The following ANO6 variants were observed in gnomAD, a reference collection of about 807,000 sequenced individuals.
The protein encoded by ANO6 is anoctamin-6.
In ANO6, 106 loss-of-function variants were observed where a neutral mutation model predicts 117.5. The observed-to-expected ratio is 0.90, with a 90% CI of 0.77 to 1.06. The LOEUF is 1.06. ANO6 is among the 50% of genes least tolerant of loss of function. The pLI is 0.00. For synonymous variants in ANO6, 367 were observed against 385.1 expected (o/e 0.95, Z 0.55); for missense variants, 955 against 1,121.1 (o/e 0.85, Z 2.12).
rs1036866981 is a variant in ANO6, at chr12:45,392,772, A to G, written c.1386+2274A>G. Reference sequence around the variant, plus strand: ...TGAGGGACCTGACTGTTAGAAGGAAAACAGACAGACAGAAAGGAATAGCAT... The same window carrying G: ...TGAGGGACCTGACTGTTAGAAGGAAGACAGACAGACAGAAAGGAATAGCAT... On this transcript the variant is annotated intron_variant, in intron 12 of 19. Transcript: ENST00000320560. 3.8e-4 allele frequency among the ~76,000 whole-genome samples: 58 copies of G among 152,236 alleles called. 1 individual carries two copies. The highest frequency in any genetic ancestry group is 1.4e-3 in the African/African-American group (57 of 41,464).
intron 2 of ANO6, among the ~76,000 whole-genome samples, chr12:45,304,826 G>T (rs953545338): frequency 1.3e-5 from 2 of 152,154 alleles, no homozygotes; most frequent in African/African-American, 4.8e-5. Flanking sequence ...CACAGCTGAG[G>T]TGTCTCTAAT....
At chr12:45,419,129 G>A (rs1943288769) in intron 17 of ANO6, among the ~76,000 whole-genome samples, 1 of 152,282 alleles carries the variant, frequency 6.6e-6, no homozygotes, top group East Asian at 1.9e-4. Flanking sequence ...TGACATTGTT[G>A]TATCATGCCA....
intron 9 of ANO6, among the ~76,000 whole-genome samples, chr12:45,373,932 T>C (rs1165375133): frequency 6.6e-6 from 1 of 152,154 alleles, no homozygotes; most frequent in East Asian, 1.9e-4. Context: ...AGCATGTTTT[T>C]TGAAAGATCA....
In ANO6 at chr12:45,421,174, G is replaced by C; in HGVS notation, c.2321G>C (p.Gly774Ala). 1.2e-6 allele frequency: 2 copies of C among 1,613,930 alleles called. No homozygotes were observed. Among genetic ancestry groups the C allele is most frequent in the Non-Finnish European group, 1.7e-6 (2 of 1,179,914 alleles). Residue 774 changes from glycine (G) to alanine (A), a missense_variant, in exon 18 of 20, where the codon GGG becomes GCG. By Grantham distance (60) the Gly-to-Ala change is moderately conservative. Coordinates refer to ENST00000320560, the MANE Select transcript of ANO6 (RefSeq NM_001025356.3). The part of the protein sequence containing the change: ...YGDHTSYTME[G>A]YINNTLSIFK... ...GACCACACTTCCTACACCATGGAAG[G>C]GTACATCAACAACACTCTCTCCATC...
chr12:45,399,260 G>T (rs1480021941), intron 12 of ANO6, among the ~76,000 whole-genome samples: 1 of 152,062 alleles, frequency 6.6e-6, no homozygotes, highest in African/African-American at 2.4e-5. Flanking sequence ...GCAATGCGTG[G>T]TCTCAGCTCA....
intron 1 of ANO6, among the ~76,000 whole-genome samples, chr12:45,234,577 C>A (rs1012695265): frequency 6.6e-6 from 1 of 152,178 alleles, no homozygotes; most frequent in Non-Finnish European, 1.5e-5. Context: ...TTTCCAAGTT[C>A]CCAGGGAAGT....
chr12:45,422,921 G>T, intron 18 of ANO6, 36 bp from the exon 19 acceptor site: 1 of 1,471,906 alleles, frequency 6.8e-7, no homozygotes, highest in Non-Finnish European at 9.5e-7. Flanking sequence ...CAGTCAAAAA[G>T]ATTTGTCTCC....
At position 45,346,134 on chromosome 12, in the gene ANO6, G is replaced by A. The variant is rs191476564; in HGVS notation, c.280-888G>A. Among the ~76,000 whole-genome samples, 3 of 152,240 alleles carry A rather than the reference G, an allele frequency of 2.0e-5. No individual in the cohort carries two copies. In the East Asian group the frequency reaches 5.8e-4, roughly 29 times the overall value. ...TCAGTAGGCCCCACCTCTCAACACT[G>A]TTGCATTGGGGATTAAGTTTCTAAC... On this transcript the variant is annotated intron_variant, in intron 3 of 19. Transcript: ENST00000320560.
At chr12:45,421,349 T>C in intron 18 of ANO6, 76 bp downstream of exon 18, 3 of 1,448,888 alleles carry the variant, frequency 2.1e-6, no homozygotes, top group Non-Finnish European at 2.9e-6. Flanking sequence ...TTCTGTTTGG[T>C]GTCATTTTTA....
At chr12:45,283,140 A>ATATTT (rs1332076977) in intron 1 of ANO6, among the ~76,000 whole-genome samples, 1 of 152,196 alleles carries the variant, frequency 6.6e-6, no homozygotes, top group Non-Finnish European at 1.5e-5. Context: ...ATGCATATTT[A>ATATTT]TATTTTTCCA....
chr12:45,358,165 A>G (rs891185466), intron 8 of ANO6, among the ~76,000 whole-genome samples: 3 of 152,252 alleles, frequency 2.0e-5, no homozygotes, highest in African/African-American at 7.2e-5. Flanking sequence ...TGTGCCAGCC[A>G]GATAAAAATT....
At chr12:45,367,896 A>G in intron 9 of ANO6, 103 bp downstream of exon 9, 2 of 873,782 alleles carry the variant, frequency 2.3e-6, no homozygotes, top group Non-Finnish European at 3.7e-6. Context: ...CTGAGGAATT[A>G]AGATATTTTT....
intron 1 of ANO6, among the ~76,000 whole-genome samples, chr12:45,250,595 G>A (rs781620638): frequency 1.3e-5 from 2 of 151,672 alleles, no homozygotes; most frequent in African/African-American, 2.4e-5. Context: ...TTGAGGGGTC[G>A]TCTTGCTGTG....
intron 9 of ANO6, among the ~76,000 whole-genome samples, chr12:45,369,800 AACAATTAC>A (rs1463865787): frequency 2.0e-5 from 3 of 152,118 alleles, no homozygotes; most frequent in African/African-American, 7.3e-5. Context: ...GAAATTAGGA[AACAATTAC>A]ACAAATAATA....
chr12:45,299,590 C>T (rs1474698075), intron 1 of ANO6, among the ~76,000 whole-genome samples: 1 of 152,148 alleles, frequency 6.6e-6, no homozygotes, highest in African/African-American at 2.4e-5. Flanking sequence ...CGGTGACTCA[C>T]ATCTGTAATC....
Position 45,388,210 on chromosome 12 carries a change from T to C in ANO6, c.1215T>C (p.Tyr405=). The C allele has an allele frequency of 6.2e-7, 1 of 1,614,096 alleles. No individual in the cohort carries two copies. The highest frequency in any genetic ancestry group is 8.5e-7 in the Non-Finnish European group (1 of 1,179,970). Reference sequence around the variant, plus strand: ...AGCGACGCCAGGCAGAACTTGAGTATGAATGGGATACTGTTGAGTTACAGC... The same window carrying C: ...AGCGACGCCAGGCAGAACTTGAGTACGAATGGGATACTGTTGAGTTACAGC... ...FWKRRQAELE[Y]EWDTVELQQE... The change falls in exon 11 of 20, where the codon TAT becomes TAC. Residue 405 remains tyrosine, a synonymous_variant. Coordinates refer to ENST00000320560, the MANE Select transcript of ANO6 (RefSeq NM_001025356.3).
At chr12:45,319,459 A>C (rs1226383626) in intron 2 of ANO6, among the ~76,000 whole-genome samples, 1 of 152,210 alleles carries the variant, frequency 6.6e-6, no homozygotes, top group Non-Finnish European at 1.5e-5. Context: ...CATCCCAGGG[A>C]TGAAGCCTAC....
intron 2 of ANO6, among the ~76,000 whole-genome samples, chr12:45,321,054 G>A (rs979590215): frequency 2.6e-5 from 4 of 151,964 alleles, no homozygotes; most frequent in Admixed American, 6.6e-5. Context: ...CACACTGATG[G>A]GTCTTAACTC....
chr12:45,428,708 A>T (rs866099129), intron 19 of ANO6, among the ~76,000 whole-genome samples: 1 of 152,344 alleles, frequency 6.6e-6, no homozygotes, highest in African/African-American at 2.4e-5. Context: ...AGAATGATAC[A>T]CATATACTTG....
Sources: allele counts gnomAD v4.1 joint callset (sites outside exome capture counted in the v4.1 genomes callset), GRCh38; gene constraint gnomAD v4.1.1; transcripts MANE v1.5; gene names NCBI Gene and HGNC (gene_info 2026-07-23, HGNC 2026-07-21).